Variants in BCAP29 observed in about 807,000 individuals in gnomAD.
BCAP29 encodes B-cell receptor-associated protein 29.
In BCAP29, 34 loss-of-function variants were observed where a neutral mutation model predicts 31.8. That is an observed-to-expected ratio of 1.07 (90% CI 0.81 to 1.42). The LOEUF (loss-of-function observed/expected upper bound fraction) is 1.42. Among genes scored for constraint, BCAP29 ranks in the 40% most tolerant of loss-of-function variants. BCAP29 has a pLI of 0.00. For synonymous variants in BCAP29, 104 were observed against 91.3 expected, an observed-to-expected ratio of 1.14 and a Z score of -0.79; for missense variants, 314 against 269.2, an observed-to-expected ratio of 1.17 and a Z score of -1.16.
chr7:107,615,480 C>T (rs1813953214), intron 7 of BCAP29: 3 of 354,106 alleles, frequency 8.5e-6, no homozygotes, highest in Non-Finnish European at 1.7e-5. Flanking sequence ...CCTGTAATCC[C>T]AGCTACTCGG....
At chr7:107,598,265 T>G (rs1363231195) in intron 5 of BCAP29, among the ~76,000 whole-genome samples, 3 of 152,186 alleles carry the variant, frequency 2.0e-5, no homozygotes, top group Non-Finnish European at 4.4e-5. Flanking sequence ...GTTTTCAACT[T>G]GAAGTAGGCA....
intron 6 of BCAP29, among the ~76,000 whole-genome samples, chr7:107,602,258 C>G (rs934173868): frequency 6.6e-6 from 1 of 152,092 alleles, no homozygotes; most frequent in African/African-American, 2.4e-5. Context: ...TTTATTTACC[C>G]TAAGTTTTTT....
At chr7:107,607,036 C>T (rs554011812) in intron 6 of BCAP29, among the ~76,000 whole-genome samples, 9 of 152,214 alleles carry the variant, frequency 5.9e-5, no homozygotes, top group East Asian at 3.8e-4. Flanking sequence ...CCTCTGAGGC[C>T]GGGCGCAGTG....
intron 3 of BCAP29, among the ~76,000 whole-genome samples, chr7:107,587,018 A>T (rs931742974): frequency 6.6e-6 from 1 of 152,160 alleles, no homozygotes; most frequent in Non-Finnish European, 1.5e-5. Flanking sequence ...GGCATGAGCC[A>T]CTGCACCCAG....
In BCAP29 at chr7:107,594,032, G is replaced by A. The variant is rs1809354172; in HGVS notation, c.271G>A (p.Glu91Lys). Residue 91 changes from glutamate to lysine, a missense_variant, in exon 4 of 8, where the codon GAA becomes AAA. Physicochemically the swap from Glu to Lys is moderately conservative, Grantham distance 56. Transcript: ENST00000005259. ...KSSTSRPDAY[E>K]HTQMKLFRSQ... ...CTCCACCAGCAGACCTGATGCCTAT[G>A]AACACACACAGATGAAACTTTTTAG... 1 of 1,613,732 alleles carries A rather than the reference G, an allele frequency of 6.2e-7. No homozygotes were observed.
In BCAP29 at chr7:107,599,521, T is replaced by TAAA. The variant is rs397943714; in HGVS notation, c.481-865_481-863dup. Among the ~76,000 whole-genome samples, 68 of 131,750 alleles carry TAAA rather than the reference T, an allele frequency of 5.2e-4. 1 individual carries two copies. The highest frequency in any genetic ancestry group is 1.8e-3 in the African/African-American group (65 of 36,200). 86.4% of individuals were successfully genotyped at this position (131,750 alleles called of 152,430 possible). On this transcript the variant is annotated intron_variant, in intron 5 of 7. Coordinates refer to ENST00000005259, the MANE Select transcript of BCAP29 (RefSeq NM_018844.4). Reference sequence around the variant, plus strand: ...GGTGACAGAGTGAGACCCTGTTTCTTAAAAAAAAAAAAAGAAAAAAAAGTA... The same window carrying TAAA: ...GGTGACAGAGTGAGACCCTGTTTCTTAAAAAAAAAAAAAAAAGAAAAAAAAGTA...
chr7:107,599,482 T>C (rs192908607), intron 5 of BCAP29, among the ~76,000 whole-genome samples: 1 of 145,900 alleles, frequency 6.9e-6, no homozygotes, highest in East Asian at 2.0e-4. Context: ...GTTGCACCAC[T>C]GTACTCCAGC....
downstream of BCAP29, chr7:107,623,053 C>T (rs892609301): frequency 6.6e-6 from 1 of 151,936 alleles, no homozygotes; most frequent in Non-Finnish European, 1.5e-5. Flanking sequence ...CTTCCTCTGT[C>T]CTGCTGCTTG....
At chr7:107,613,670 A>G (rs1314503098) in intron 7 of BCAP29, 3 of 1,606,018 alleles carry the variant, frequency 1.9e-6, no homozygotes, top group Non-Finnish European at 1.7e-6. Context: ...AGTTTTGGTG[A>G]ATTTTTAAGC....
At chr7:107,611,524 A>G (rs1266692978) in intron 6 of BCAP29, among the ~76,000 whole-genome samples, 1 of 152,242 alleles carries the variant, frequency 6.6e-6, no homozygotes, top group Non-Finnish European at 1.5e-5. Context: ...TTTATGTACC[A>G]GAAATCCAGG....
intron 7 of BCAP29, chr7:107,615,602 A>C (rs1051395683): frequency 1.2e-5 from 3 of 240,326 alleles, no homozygotes; most frequent in African/African-American, 2.2e-5. Flanking sequence ...TCTCAGAAAA[A>C]AAAAAAGTGA....
At chr7:107,597,530 C>T (rs1041638385) in intron 5 of BCAP29, among the ~76,000 whole-genome samples, 3 of 152,178 alleles carry the variant, frequency 2.0e-5, no homozygotes, top group African/African-American at 7.2e-5. Context: ...TAATAGTTAA[C>T]ATTGTGCCAG....
chr7:107,601,876 A>G (rs1017109742), intron 6 of BCAP29, among the ~76,000 whole-genome samples: 2 of 152,176 alleles, frequency 1.3e-5, no homozygotes, highest in Non-Finnish European at 2.9e-5. Context: ...CACAAAAATA[A>G]AAGATAGACA....
intron 5 of BCAP29, 101 bp from the exon 6 acceptor site, chr7:107,600,296 T>C: frequency 1.4e-6 from 1 of 736,034 alleles, no homozygotes; most frequent in South Asian, 1.5e-5. Flanking sequence ...GAATAAATTA[T>C]AAACAGGTAA....
At chr7:107,601,635 A>G (rs1324836485) in intron 6 of BCAP29, among the ~76,000 whole-genome samples, 1 of 152,218 alleles carries the variant, frequency 6.6e-6, no homozygotes, top group Admixed American at 6.5e-5. Flanking sequence ...AACATGATCA[A>G]GAAATGTTAT....
chr7:107,580,622 C>T, intron 1 of BCAP29, 137 bp from the exon 2 acceptor site: 1 of 605,244 alleles, frequency 1.7e-6, no homozygotes, highest in Non-Finnish European at 2.8e-6. Flanking sequence ...CCTTCCTGAC[C>T]GGGGTCCGTG....
At chr7:107,620,893 C>T (rs145449126), downstream of BCAP29, 1 of 152,376 alleles carries the variant, frequency 6.6e-6, no homozygotes, top group Non-Finnish European at 1.5e-5. Flanking sequence ...TTTAACTACT[C>T]TCTGAGATAT....
At chr7:107,613,706 T>C (rs1483026965) in intron 7 of BCAP29, 2 of 1,613,920 alleles carry the variant, frequency 1.2e-6, no homozygotes, top group Middle Eastern at 1.7e-4. Flanking sequence ...AATGGCAGCA[T>C]TGGAAAACAG....
At chr7:107,590,956 A>G (rs553612418) in intron 3 of BCAP29, among the ~76,000 whole-genome samples, 92 of 152,240 alleles carry the variant, frequency 6.0e-4, no homozygotes, top group Non-Finnish European at 1.2e-3. Context: ...TCAGTGTATC[A>G]GTAATTGTAT....
Sources: allele counts gnomAD v4.1 joint callset (sites outside exome capture counted in the v4.1 genomes callset), GRCh38; gene constraint gnomAD v4.1.1; transcripts MANE v1.5; gene names NCBI Gene and HGNC (gene_info 2026-07-23, HGNC 2026-07-21).